RBM24: variants seen among roughly 807,000 people sequenced by gnomAD.
RBM24 encodes the protein RNA binding motif protein 24.
Under a neutral mutation model 23.6 loss-of-function variants are expected in RBM24, and 5 were observed. That is an observed-to-expected ratio of 0.21 (90% CI 0.11 to 0.45). RBM24 has a LOEUF of 0.45. Among genes scored for constraint, RBM24 ranks in the 20% least tolerant of loss-of-function variants. RBM24 has a pLI of 0.99. For synonymous variants in RBM24, 151 were observed against 129.5 expected (o/e 1.17, Z -1.13); for missense variants, 252 against 314.6 (o/e 0.80, Z 1.51).
chr6:17,285,321 G>C (rs1037273539), intron 3 of RBM24, among the ~76,000 whole-genome samples: 7 of 152,178 alleles, frequency 4.6e-5, no homozygotes, highest in African/African-American at 1.7e-4. Flanking sequence ...TGTAGTGAAA[G>C]TGTTTTCTTT....
intron 2 of RBM24, among the ~76,000 whole-genome samples, 179 bp from the exon 3 acceptor site, chr6:17,284,478 T>C (rs1479358493): frequency 6.6e-6 from 1 of 152,228 alleles, no homozygotes. Flanking sequence ...AACCTTTATT[T>C]TGAATCAATG....
intron 3 of RBM24, chr6:17,289,731 T>C (rs1192286159): frequency 1.9e-6 from 2 of 1,053,724 alleles, no homozygotes; most frequent in East Asian, 8.0e-5. Flanking sequence ...TTTGGCCTTA[T>C]AAAGACATTT....
chr6:17,281,892 C>A lies in RBM24; in HGVS notation c.168+143C>A. 1 of 1,366,734 alleles carries A rather than the reference C, an allele frequency of 7.3e-7. No individual in the cohort carries two copies. The highest frequency in any genetic ancestry group is 9.9e-7 in the Non-Finnish European group (1 of 1,007,686). 84.7% of individuals were successfully genotyped at this position (1,366,734 alleles called of 1,614,324 possible). A position where few individuals can be genotyped will look rare whatever the true frequency, so the allele number is the denominator to read the frequency against. ...CGCTGCCCCTTCGCTCCGGGGTGAACTGAAACTTTGCTAGGGGAGAGGGTC... is the reference window on the plus strand; with the variant it reads ...CGCTGCCCCTTCGCTCCGGGGTGAAATGAAACTTTGCTAGGGGAGAGGGTC... On this transcript the variant is annotated intron_variant, in intron 1 of 3. Transcript: ENST00000379052. This position sits in a 1 kb window ranked among gnomAD's most constrained non-coding sequence, Gnocchi z 7.1.
At chr6:17,282,477 G>A in intron 1 of RBM24, 1 of 478,538 alleles carries the variant, frequency 2.1e-6, no homozygotes, top group Admixed American at 2.6e-5. Flanking sequence ...TTCGGGGGAA[G>A]GAGGATCTAG....
intron 1 of RBM24, 27 bp from the exon 2 acceptor site, chr6:17,282,778 G>C: frequency 6.2e-7 from 1 of 1,613,874 alleles, no homozygotes; most frequent in Non-Finnish European, 8.5e-7. Context: ...GGTTATGTAT[G>C]TATGTCTGTG....
Position 17,281,930 on chromosome 6 carries a change from G to T in RBM24, c.168+181G>T, listed in dbSNP as rs1760029218. ...AGGGGAGAGGGTCGGCGCCAGCCTC[G>T]CGGGGTTCGGAGAAGACCCAGCGCT... On this transcript the variant is annotated intron_variant, in intron 1 of 3. Transcript: ENST00000379052. The surrounding 1 kb of genome is among the most constrained non-coding windows in gnomAD (Gnocchi z 7.1). The T allele has an allele frequency of 7.5e-7, 1 of 1,337,910 alleles. No homozygotes were observed. The highest frequency in any genetic ancestry group is 1.0e-6 in the Non-Finnish European group (1 of 1,004,270). 82.9% of individuals were successfully genotyped at this position (1,337,910 alleles called of 1,614,324 possible). A position where few individuals can be genotyped will look rare whatever the true frequency, so the allele number is the denominator to read the frequency against.
In RBM24 at chr6:17,282,852, C is replaced by T; in HGVS notation, c.216C>T (p.Pro72=). Residue 72 remains proline, a synonymous_variant, in exon 2 of 4, where the codon CCC becomes CCT. Coordinates refer to ENST00000379052, the MANE Select transcript of RBM24 (RefSeq NM_001143942.2). ...RAAAERACKD[P]NPIIDGRKAN... ...CTGCCGAAAGGGCCTGCAAGGATCC[C>T]AATCCCATCATTGATGGCAGAAAGG... 1 of 1,614,094 alleles carries T rather than the reference C, an allele frequency of 6.2e-7. No homozygotes were observed. Among genetic ancestry groups the T allele is most frequent in the South Asian group, 1.1e-5 (1 of 91,072 alleles).
chr6:17,281,873 C>A lies in RBM24; in HGVS notation c.168+124C>A. 7.2e-7 allele frequency: 1 copy of A among 1,379,568 alleles called. No homozygotes were observed. The highest frequency in any genetic ancestry group is 9.9e-7 in the Non-Finnish European group (1 of 1,012,412). The allele number at this position is 1,379,568 out of a possible 1,614,324, so 85.5% of individuals were successfully genotyped here. A position where few individuals can be genotyped will look rare whatever the true frequency, so the allele number is the denominator to read the frequency against. ...AGCCCCGCGGGTAGAGCGGCGCTGC[C>A]CCTTCGCTCCGGGGTGAACTGAAAC... On this transcript the variant is annotated intron_variant, in intron 1 of 3. Transcript: ENST00000379052. The surrounding 1 kb of genome is among the most constrained non-coding windows in gnomAD (Gnocchi z 7.1).
rs1241662074 is a variant in RBM24 at position 17,281,671 on chromosome 6, C to T, written c.90C>T (p.Tyr30=). The change falls in exon 1 of 4, where the codon TAC becomes TAT. Residue 30 remains tyrosine, a synonymous_variant. Coordinates refer to ENST00000379052, the MANE Select transcript of RBM24 (RefSeq NM_001143942.2). This position sits in a 1 kb window ranked among gnomAD's most constrained non-coding sequence, Gnocchi z 7.1. ...CCACCGACGCCAGCCTGCGCAAGTACTTCGAGGTCTTCGGCGAGATCGAGG... is the reference window on the plus strand; with the variant it reads ...CCACCGACGCCAGCCTGCGCAAGTATTTCGAGGTCTTCGGCGAGATCGAGG... ...YHTTDASLRK[Y]FEVFGEIEEA... 6.4e-6 allele frequency: 10 copies of T among 1,551,382 alleles called. No individual in the cohort carries two copies. In the East Asian group the frequency reaches 2.0e-4, roughly 30 times the overall value.
chr6:17,285,346 G>A (rs1353739349), intron 3 of RBM24, among the ~76,000 whole-genome samples: 1 of 152,068 alleles, frequency 6.6e-6, no homozygotes, highest in Non-Finnish European at 1.5e-5. Context: ...CGGGGAAGGG[G>A]CTCTTTGCGT....
rs1760390543 is a variant in RBM24, at chr6:17,292,202, T to C, written c.*83T>C. The C allele has an allele frequency of 7.6e-7, 1 of 1,315,452 alleles. No individual in the cohort carries two copies. The highest frequency in any genetic ancestry group is 1.0e-6 in the Non-Finnish European group (1 of 986,318). The allele number at this position is 1,315,452 out of a possible 1,614,324, so 81.5% of individuals were successfully genotyped here. On this transcript the variant is annotated 3_prime_UTR_variant, in exon 4 of 4. Transcript: ENST00000379052. ...TTAGTAGCTAATAAGAGAGTTAACA[T>C]TGACTTAACAGCTTTAAAAAAAAAA...
chr6:17,290,932 GAAAA>G, intron 3 of RBM24: 1 of 1,203,614 alleles, frequency 8.3e-7, no homozygotes, highest in Non-Finnish European at 1.1e-6. Context: ...TTTTATGGGG[GAAAA>G]AAAAGAGAAA....
chr6:17,289,387 C>G (rs1297660796), intron 3 of RBM24: 1 of 985,258 alleles, frequency 1.0e-6, no homozygotes, highest in African/African-American at 1.7e-5. Flanking sequence ...CCAGACGTCT[C>G]TTTAACCTTT....
chr6:17,285,680 G>A (rs936115748), intron 3 of RBM24, among the ~76,000 whole-genome samples: 1 of 152,044 alleles, frequency 6.6e-6, no homozygotes, highest in African/African-American at 2.4e-5. Context: ...TTTGAGTAGC[G>A]TCACACTAAC....
At chr6:17,285,759 A>G (rs1760176705) in intron 3 of RBM24, among the ~76,000 whole-genome samples, 2 of 152,118 alleles carry the variant, frequency 1.3e-5, no homozygotes, top group African/African-American at 4.8e-5. Flanking sequence ...TCCTGTGATT[A>G]CCAGTTTTCC....
At chr6:17,291,448 G>A (rs999229468) in intron 3 of RBM24, among the ~76,000 whole-genome samples, 2 of 152,034 alleles carry the variant, frequency 1.3e-5, no homozygotes, top group Non-Finnish European at 2.9e-5. Flanking sequence ...CCTCTCTTAC[G>A]TGTGTAGCCC....
At chr6:17,287,493 A>G (rs569293802) in intron 3 of RBM24, among the ~76,000 whole-genome samples, 1 of 152,274 alleles carries the variant, frequency 6.6e-6, no homozygotes, top group South Asian at 2.1e-4. Context: ...GAGGCTACAG[A>G]TCTGTGAGTA....
At chr6:17,290,674 TTC>T (rs1487198046) in intron 3 of RBM24, among the ~76,000 whole-genome samples, 1 of 152,238 alleles carries the variant, frequency 6.6e-6, no homozygotes, top group Non-Finnish European at 1.5e-5. Flanking sequence ...ACTAACGTAT[TTC>T]TGCTAATTTG....
chr6:17,282,187 C>T, intron 1 of RBM24: 1 of 1,283,604 alleles, frequency 7.8e-7, no homozygotes, highest in South Asian at 1.3e-5. Context: ...GGCTGTTGCC[C>T]TTGTGTCATC....
Sources: allele counts gnomAD v4.1 joint callset (sites outside exome capture counted in the v4.1 genomes callset), GRCh38; gene constraint gnomAD v4.1.1; non-coding constraint Gnocchi (gnomAD v3.1); transcripts MANE v1.5; gene names NCBI Gene and HGNC (gene_info 2026-07-23, HGNC 2026-07-21).